The following LHFPL3 variants were observed in gnomAD, a reference collection of about 807,000 sequenced individuals.
LHFPL3 encodes LHFPL tetraspan subfamily member 3 protein.
In LHFPL3, 5 loss-of-function variants were observed where a neutral mutation model predicts 19.3. The observed-to-expected ratio is 0.26, with a 90% CI of 0.14 to 0.54. The LOEUF is 0.54. Among genes scored for constraint, LHFPL3 ranks in the 20% least tolerant of loss-of-function variants. The probability of loss-of-function intolerance (pLI) is 0.94; values close to 1 mark genes in which losing one functional copy is unlikely to be tolerated. For synonymous variants in LHFPL3, 133 were observed against 126.2 expected, an observed-to-expected ratio of 1.05 and a Z score of -0.36; for missense variants, 249 against 307.4, an observed-to-expected ratio of 0.81 and a Z score of 1.42.
At chr7:104,648,483 T>C (rs1291620369) in intron 1 of LHFPL3, among the ~76,000 whole-genome samples, 1 of 152,176 alleles carries the variant, frequency 6.6e-6, no homozygotes, top group African/African-American at 2.4e-5. Context: ...AATCACAGAA[T>C]CAAGAAACTG....
chr7:104,779,595 G>A (rs1032735516), intron 2 of LHFPL3, among the ~76,000 whole-genome samples: 6 of 152,150 alleles, frequency 3.9e-5, no homozygotes, highest in Non-Finnish European at 7.4e-5. Context: ...CGACTCAGCC[G>A]TTCTGATAGT....
chr7:104,749,814 G>A (rs954197572), intron 2 of LHFPL3, among the ~76,000 whole-genome samples: 2 of 152,304 alleles, frequency 1.3e-5, no homozygotes, highest in Admixed American at 6.5e-5. Flanking sequence ...ACCCACACCA[G>A]TTTTTCTGTT....
chr7:104,387,395 A>G (rs918075917), intron 1 of LHFPL3, among the ~76,000 whole-genome samples: 4 of 152,156 alleles, frequency 2.6e-5, no homozygotes, highest in African/African-American at 9.6e-5. Context: ...AGTAAAAAAA[A>G]GAAAAGTACA....
intron 1 of LHFPL3, among the ~76,000 whole-genome samples, chr7:104,355,454 C>G (rs543317200): frequency 2.0e-5 from 3 of 152,312 alleles, no homozygotes; most frequent in Non-Finnish European, 4.4e-5. Flanking sequence ...CCCAGACACT[C>G]TGCTACAGCC....
chr7:104,655,079 C>T (rs900367843), intron 1 of LHFPL3, among the ~76,000 whole-genome samples: 1 of 152,228 alleles, frequency 6.6e-6, no homozygotes, highest in Non-Finnish European at 1.5e-5. Context: ...CAATGACAAT[C>T]GTTCCACTCC....
chr7:104,359,654 G>A (rs1484562044), intron 1 of LHFPL3, among the ~76,000 whole-genome samples: 2 of 152,218 alleles, frequency 1.3e-5, no homozygotes, highest in African/African-American at 4.8e-5. Flanking sequence ...ACCCAATTCT[G>A]TGTCCACAGT....
intron 1 of LHFPL3, among the ~76,000 whole-genome samples, chr7:104,356,277 A>G (rs1375129661): frequency 6.6e-6 from 1 of 152,124 alleles, no homozygotes; most frequent in Admixed American, 6.5e-5. Flanking sequence ...TGTTTCCTGT[A>G]CTCCTTCCTG....
At chr7:104,474,439 C>A (rs1183406883) in intron 1 of LHFPL3, among the ~76,000 whole-genome samples, 1 of 151,692 alleles carries the variant, frequency 6.6e-6, no homozygotes, top group Non-Finnish European at 1.5e-5. Context: ...TCGAGGCAGG[C>A]GCATCACGAG....
chr7:104,506,739 G>A (rs758786352), intron 1 of LHFPL3, among the ~76,000 whole-genome samples: 16 of 152,172 alleles, frequency 1.1e-4, no homozygotes, highest in Non-Finnish European at 2.4e-4. Flanking sequence ...GTCATGGAAC[G>A]CAAGGAAGGT....
chr7:104,770,576 C>T (rs1353269018), intron 2 of LHFPL3, among the ~76,000 whole-genome samples: 1 of 152,192 alleles, frequency 6.6e-6, no homozygotes, highest in Non-Finnish European at 1.5e-5. Context: ...ACTGGAAGAG[C>T]AGAGATTGGA....
At chr7:104,587,462 T>G (rs1480259712) in intron 1 of LHFPL3, among the ~76,000 whole-genome samples, 2 of 152,242 alleles carry the variant, frequency 1.3e-5, no homozygotes, top group African/African-American at 4.8e-5. Context: ...TCATTTTTTA[T>G]GGCTGCATAG....
At chr7:104,894,488 C>T (rs1482067956) in intron 2 of LHFPL3, 1 of 152,194 alleles carries the variant, frequency 6.6e-6, no homozygotes, top group Non-Finnish European at 1.5e-5. Context: ...AGAAGACAGT[C>T]TCCCAGGGTT....
intron 1 of LHFPL3, among the ~76,000 whole-genome samples, chr7:104,717,456 T>C (rs1028704268): frequency 6.6e-6 from 1 of 152,058 alleles, no homozygotes; most frequent in Non-Finnish European, 1.5e-5. Flanking sequence ...TACTACACAA[T>C]AGAGAAAAAC....
intron 1 of LHFPL3, among the ~76,000 whole-genome samples, chr7:104,520,142 A>C (rs1183229167): frequency 6.6e-6 from 1 of 151,996 alleles, no homozygotes; most frequent in Non-Finnish European, 1.5e-5. Flanking sequence ...ATTTATTGAG[A>C]GTTTTTAGCA....
At chr7:104,767,281 G>C (rs1183092874) in intron 2 of LHFPL3, among the ~76,000 whole-genome samples, 1 of 152,220 alleles carries the variant, frequency 6.6e-6, no homozygotes, top group Non-Finnish European at 1.5e-5. Context: ...ATTTGGCCCT[G>C]CAATCAGGGA....
chr7:104,776,563 T>A (rs182298597), intron 2 of LHFPL3, among the ~76,000 whole-genome samples: 1 of 152,284 alleles, frequency 6.6e-6, no homozygotes, highest in East Asian at 1.9e-4. Context: ...ATTCTGCAGG[T>A]CTGGAGGTGA....
rs560245980 is a variant in LHFPL3 at position 104,364,333 on chromosome 7, G to A, written c.445+35109G>A. 1.6e-4 allele frequency among the ~76,000 whole-genome samples: 25 copies of A among 152,314 alleles called. No homozygotes were observed. The South Asian group carries it at 5.2e-3, about 32-fold the overall frequency. ...CCAGCAAATTCTTTTGTTGTGGACT[G>A]CATTTTCTCTGTGAGCTGAAAAAGA... On this transcript the variant is annotated intron_variant, in intron 1 of 2. Transcript: ENST00000424859.
At chr7:104,873,776 C>G (rs900267588) in intron 2 of LHFPL3, among the ~76,000 whole-genome samples, 1 of 152,250 alleles carries the variant, frequency 6.6e-6, no homozygotes, top group Non-Finnish European at 1.5e-5. Flanking sequence ...TAACTGCAAA[C>G]TGGCGTCTCA....
intron 2 of LHFPL3, among the ~76,000 whole-genome samples, chr7:104,740,511 A>G (rs182835733): frequency 1.4e-3 from 215 of 152,354 alleles, no homozygotes; most frequent in Non-Finnish European, 1.0e-3. Flanking sequence ...CTGCTAATAA[A>G]GACATACCTG....
Sources: allele counts gnomAD v4.1 joint callset (sites outside exome capture counted in the v4.1 genomes callset), GRCh38; gene constraint gnomAD v4.1.1; transcripts MANE v1.5; gene names NCBI Gene and HGNC (gene_info 2026-07-23, HGNC 2026-07-21).